Variants in DNM3 observed in about 807,000 individuals in gnomAD.
DNM3 encodes dynamin-3.
A neutral mutation model predicts 101.6 loss-of-function variants in DNM3; 47 were observed. The ratio of observed to expected loss-of-function variants is 0.46; its 90% CI spans 0.37 to 0.59. DNM3 has a LOEUF of 0.59. Ranked by LOEUF, DNM3 falls within the 20% of genes least tolerant of loss-of-function variation. DNM3 has a pLI of 0.00. For missense variants in DNM3, 849 were observed against 1,085.7 expected (o/e 0.78, Z 3.06); for synonymous variants, 385 against 387.9 (o/e 0.99, Z 0.09).
At chr1:171,980,802 A>T (rs1362508771) in intron 2 of DNM3, among the ~76,000 whole-genome samples, 1 of 136,188 alleles carries the variant, frequency 7.3e-6, no homozygotes, top group South Asian at 2.3e-4. Context: ...ACAGAGTCTC[A>T]CTCTGTCACT....
At chr1:172,036,350 G>A (rs1316699936) in intron 6 of DNM3, among the ~76,000 whole-genome samples, 1 of 151,376 alleles carries the variant, frequency 6.6e-6, no homozygotes, top group Non-Finnish European at 1.5e-5. Context: ...ATTTTTTATG[G>A]CTGCATAGTA....
chr1:172,200,095 G>T (rs1378318652), intron 14 of DNM3, among the ~76,000 whole-genome samples: 1 of 152,150 alleles, frequency 6.6e-6, no homozygotes, highest in Admixed American at 6.6e-5. Context: ...TTTTAAGGCA[G>T]ATCTGGTGGT....
At chr1:171,982,988 C>G (rs1462885619) in intron 2 of DNM3, among the ~76,000 whole-genome samples, 1 of 152,064 alleles carries the variant, frequency 6.6e-6, no homozygotes, top group East Asian at 1.9e-4. Context: ...ATTTCCCTCC[C>G]CTCAGACATC....
At chr1:172,347,786 T>G (rs2067013895) in intron 17 of DNM3, among the ~76,000 whole-genome samples, 1 of 152,174 alleles carries the variant, frequency 6.6e-6, no homozygotes, top group African/African-American at 2.4e-5. Flanking sequence ...ATAACAGCAC[T>G]GTTTGTAATA....
At position 172,040,484 on chromosome 1, in the gene DNM3, T is replaced by C. The variant is rs558221502; in HGVS notation, c.993-1525T>C. ...TCACAAATGAAAATAGTTGGTTTTT[T>C]TTTTTCGTGTTTCTTTCTTTCTTTC... On this transcript the variant is annotated intron_variant, in intron 7 of 20. Transcript: ENST00000627582. 2.4e-4 allele frequency among the ~76,000 whole-genome samples: 37 copies of C among 152,254 alleles called. No individual in the cohort carries two copies. In the East Asian group the frequency reaches 5.8e-3, roughly 24 times the overall value.
At chr1:172,265,010 T>C (rs1222318331) in intron 15 of DNM3, among the ~76,000 whole-genome samples, 1 of 152,154 alleles carries the variant, frequency 6.6e-6, no homozygotes, top group Non-Finnish European at 1.5e-5. Context: ...CAGTTTACTG[T>C]AAGATCATAC....
intron 11 of DNM3, among the ~76,000 whole-genome samples, chr1:172,072,194 A>G (rs2052252181): frequency 6.6e-6 from 1 of 152,202 alleles, no homozygotes; most frequent in Non-Finnish European, 1.5e-5. Flanking sequence ...GGAGTATACA[A>G]TTTAACTGAA....
chr1:172,085,379 A>C (rs1175088007), intron 12 of DNM3, among the ~76,000 whole-genome samples: 1 of 152,150 alleles, frequency 6.6e-6, no homozygotes. Flanking sequence ...TCTTTTGAAC[A>C]AAAAGGCAAT....
intron 1 of DNM3, among the ~76,000 whole-genome samples, chr1:171,894,088 C>T (rs1396255419): frequency 6.6e-6 from 1 of 152,162 alleles, no homozygotes; most frequent in African/African-American, 2.4e-5. Context: ...TCCCAAAGTG[C>T]TGGGATTACA....
At chr1:172,304,640 A>T (rs1481169527) in intron 15 of DNM3, among the ~76,000 whole-genome samples, 2 of 152,200 alleles carry the variant, frequency 1.3e-5, no homozygotes, top group South Asian at 2.1e-4. Flanking sequence ...GAAGTAAAGC[A>T]CTCCTCAGCA....
At chr1:171,897,225 A>G (rs141079515) in intron 1 of DNM3, among the ~76,000 whole-genome samples, 1 of 152,260 alleles carries the variant, frequency 6.6e-6, no homozygotes, top group East Asian at 1.9e-4. Flanking sequence ...AAAAAATGGC[A>G]ATTAGTGTAG....
intron 4 of DNM3, among the ~76,000 whole-genome samples, chr1:172,014,070 T>G (rs1392173115): frequency 6.6e-6 from 1 of 152,026 alleles, no homozygotes; most frequent in Non-Finnish European, 1.5e-5. Context: ...CACAGACACT[T>G]GAACACACAT....
At chr1:172,092,487 A>G (rs2053977424) in intron 12 of DNM3, among the ~76,000 whole-genome samples, 1 of 152,248 alleles carries the variant, frequency 6.6e-6, no homozygotes, top group Non-Finnish European at 1.5e-5. Flanking sequence ...AACATGGCAT[A>G]TACTCAATAA....
intron 14 of DNM3, among the ~76,000 whole-genome samples, chr1:172,231,211 C>CA (rs1285452548): frequency 2.6e-5 from 4 of 151,312 alleles, no homozygotes; most frequent in East Asian, 2.0e-4. Context: ...GAGGCACCCC[C>CA]AGTAGGGGCA....
chr1:171,883,390 CA>C (rs1558209590), intron 1 of DNM3, among the ~76,000 whole-genome samples: 17 of 118,126 alleles, frequency 1.4e-4, no homozygotes, highest in South Asian at 7.9e-4. Context: ...CACACACACA[CA>C]CACACACACA....
chr1:172,369,683 T>C (rs537136922), intron 17 of DNM3, among the ~76,000 whole-genome samples: 10 of 152,064 alleles, frequency 6.6e-5, no homozygotes, highest in Non-Finnish European at 7.4e-5. Context: ...GTGTAACATA[T>C]ACATTAGATT....
intron 14 of DNM3, among the ~76,000 whole-genome samples, chr1:172,176,472 C>T (rs919236260): frequency 2.0e-5 from 3 of 151,792 alleles, no homozygotes. Context: ...AAACTAGTGC[C>T]GTGACCAACA....
At chr1:172,358,950 T>A (rs1226102997) in intron 17 of DNM3, among the ~76,000 whole-genome samples, 1 of 151,928 alleles carries the variant, frequency 6.6e-6, no homozygotes, top group Non-Finnish European at 1.5e-5. Context: ...ACCACATGAC[T>A]CATTACTTGT....
At chr1:172,136,831 C>T (rs1013521488) in intron 14 of DNM3, 16 of 152,054 alleles carry the variant, frequency 1.1e-4, no homozygotes, top group African/African-American at 2.4e-5. Flanking sequence ...CTTTATATTA[C>T]CCTTTCCCAG....
Sources: gnomAD v4.1 joint callset for allele counts (sites outside exome capture counted in the v4.1 genomes callset) on GRCh38, gnomAD v4.1.1 for gene constraint, MANE v1.5 for transcripts, NCBI Gene and HGNC (gene_info 2026-07-23, HGNC 2026-07-21) for gene names.